Variants in TRNAU1AP observed in about 807,000 individuals in gnomAD.
TRNAU1AP encodes the protein tRNA selenocysteine 1-associated protein 1.
TRNAU1AP carries 33 observed loss-of-function variants against 43.3 expected under a neutral mutation model. The observed-to-expected ratio is 0.76, with a 90% CI of 0.58 to 1.02. The LOEUF (loss-of-function observed/expected upper bound fraction) is 1.02, where lower values mean the gene tolerates loss of function less well. TRNAU1AP is among the 50% of genes least tolerant of loss of function. The pLI is 0.00. For missense variants in TRNAU1AP, 290 were observed against 362.7 expected, an observed-to-expected ratio of 0.80 and a Z score of 1.63; for synonymous variants, 143 against 129.1, an observed-to-expected ratio of 1.11 and a Z score of -0.73.
chr1:28,564,206 A>C (rs1300440103), intron 4 of TRNAU1AP, among the ~76,000 whole-genome samples: 1 of 151,662 alleles, frequency 6.6e-6, no homozygotes, highest in South Asian at 2.1e-4. Flanking sequence ...ACAGAAGTTG[A>C]AGTGACCCCA....
At chr1:28,576,856 G>A (rs961139531) in intron 8 of TRNAU1AP, among the ~76,000 whole-genome samples, 2 of 152,142 alleles carry the variant, frequency 1.3e-5, no homozygotes, top group African/African-American at 4.8e-5. Context: ...GCCTCGACCT[G>A]CTGAAGTGCT....
rs116517726 is a variant in TRNAU1AP at position 28,565,303 on chromosome 1, G to A, written c.410+469G>A. On this transcript the variant is annotated intron_variant, in intron 5 of 8. Coordinates refer to ENST00000373830, the MANE Select transcript of TRNAU1AP (RefSeq NM_017846.5). ...AGTTGGAGACCAGCCCGGGCAACAC[G>A]GTGAAATGCCGTCTCTATTAAAATA... 470 of 159,138 alleles carry A rather than the reference G, an allele frequency of 3.0e-3. 2 individuals carry two copies. Among genetic ancestry groups the A allele is most frequent in the African/African-American group, 0.01 (430 of 41,518 alleles). The allele number at this position is 159,138 out of a possible 1,614,324, so 9.9% of individuals were successfully genotyped here.
At chr1:28,554,198 C>CAAAAAAAAAAAAAAAAAAA (rs537146796) in intron 2 of TRNAU1AP, 1 of 85,692 alleles carries the variant, frequency 1.2e-5, no homozygotes. Flanking sequence ...AACAATGTCT[C>CAAAAAAAAAAAAAAAAAAA]AAAAAAAAAA....
intron 6 of TRNAU1AP, among the ~76,000 whole-genome samples, chr1:28,570,840 C>T (rs1180229008): frequency 6.6e-6 from 1 of 151,932 alleles, no homozygotes; most frequent in African/African-American, 2.4e-5. Flanking sequence ...CTGAGGCAGG[C>T]GGATCACGAG....
In TRNAU1AP at chr1:28,577,533, A is replaced by G; in HGVS notation, c.761A>G (p.Asn254Ser). The change falls in exon 9 of 9, where the codon AAC becomes AGC. Residue 254 changes from asparagine (N) to serine (S), a missense_variant. Physicochemically the swap from Asn to Ser is conservative, Grantham distance 46 (BLOSUM62 1). Transcript: ENST00000373830. ...CCACAGCTGGATGTGACTGAGGCCA[A>G]CAAGGAGTTCATGGAACAGAGTGAG... ...PMPQLDVTEA[N>S]KEFMEQSEEL... 1.9e-6 allele frequency: 3 copies of G among 1,614,114 alleles called. No homozygotes were observed. Among genetic ancestry groups the G allele is most frequent in the Non-Finnish European group, 8.5e-7 (1 of 1,179,998 alleles).
In TRNAU1AP at chr1:28,577,732, A is replaced by T; in HGVS notation, c.*96A>T. ...CCTTTTTGGAAATATGATTTGTAAGATTTTAATAATGACTGTTTTTGGAGA... is the reference window on the plus strand; with the variant it reads ...CCTTTTTGGAAATATGATTTGTAAGTTTTTAATAATGACTGTTTTTGGAGA... On this transcript the variant is annotated 3_prime_UTR_variant, in exon 9 of 9. Transcript: ENST00000373830. The T allele has an allele frequency of 7.7e-7, 1 of 1,305,542 alleles. No individual in the cohort carries two copies. Among genetic ancestry groups the T allele is most frequent in the African/African-American group, 1.5e-5 (1 of 67,226 alleles). The allele number at this position is 1,305,542 out of a possible 1,614,324, so 80.9% of individuals were successfully genotyped here.
intron 7 of TRNAU1AP, 81 bp from the exon 8 acceptor site, chr1:28,571,786 A>G: frequency 9.9e-7 from 1 of 1,008,580 alleles, no homozygotes; most frequent in Non-Finnish European, 1.5e-6. Context: ...CCACCTCAAA[A>G]AAAATAAAAA....
At chr1:28,562,725 T>G (rs555043296) in intron 4 of TRNAU1AP, among the ~76,000 whole-genome samples, 18 of 147,820 alleles carry the variant, frequency 1.2e-4, no homozygotes, top group African/African-American at 4.3e-4. Context: ...GGACTACAGG[T>G]GCCTGCCACC....
At chr1:28,564,877 A>G in intron 5 of TRNAU1AP, 43 bp downstream of exon 5, 3 of 1,612,470 alleles carry the variant, frequency 1.9e-6, no homozygotes, top group Non-Finnish European at 2.5e-6. Flanking sequence ...TGTTAGTTTC[A>G]GCCTTTCTCT....
intron 8 of TRNAU1AP, among the ~76,000 whole-genome samples, chr1:28,575,660 C>T (rs1303306638): frequency 2.7e-5 from 4 of 146,806 alleles, no homozygotes; most frequent in Non-Finnish European, 6.0e-5. Flanking sequence ...GAGACGGAGT[C>T]TTGCTCTGTC....
At chr1:28,575,106 T>G (rs1665744922) in intron 8 of TRNAU1AP, among the ~76,000 whole-genome samples, 1 of 152,176 alleles carries the variant, frequency 6.6e-6, no homozygotes, top group African/African-American at 2.4e-5. Context: ...ATAATTAGCC[T>G]CATAATATCT....
intron 6 of TRNAU1AP, among the ~76,000 whole-genome samples, chr1:28,570,530 G>A (rs1480198424): frequency 6.6e-6 from 1 of 151,506 alleles, no homozygotes; most frequent in Non-Finnish European, 1.5e-5. Flanking sequence ...TTACAGGTGT[G>A]AGCCACCGCA....
chr1:28,561,671 C>T (rs1665407520), intron 4 of TRNAU1AP, among the ~76,000 whole-genome samples: 1 of 152,228 alleles, frequency 6.6e-6, no homozygotes, highest in Non-Finnish European at 1.5e-5. Flanking sequence ...GGTGCAGTGG[C>T]TTACGCCTGT....
chr1:28,577,758 T>C lies in TRNAU1AP; in HGVS notation c.*122T>C. ...TTTTAATAATGACTGTTTTTGGAGA[T>C]CATGAATGTTTCTACAACACTGCTG... On this transcript the variant is annotated 3_prime_UTR_variant, in exon 9 of 9. Transcript: ENST00000373830. 1 of 1,125,554 alleles carries C rather than the reference T, an allele frequency of 8.9e-7. No individual in the cohort carries two copies. The highest frequency in any genetic ancestry group is 1.3e-6 in the Non-Finnish European group (1 of 789,348). The allele number at this position is 1,125,554 out of a possible 1,614,324, so 69.7% of individuals were successfully genotyped here. A position where few individuals can be genotyped will look rare whatever the true frequency, so the allele number is the denominator to read the frequency against.
chr1:28,559,313 A>C (rs1199316443), intron 2 of TRNAU1AP, among the ~76,000 whole-genome samples: 2 of 152,076 alleles, frequency 1.3e-5, no homozygotes, highest in East Asian at 3.9e-4. Flanking sequence ...TAAGGAGGTA[A>C]GACTAGTTGT....
intron 5 of TRNAU1AP, among the ~76,000 whole-genome samples, chr1:28,566,207 C>T (rs4633256): frequency 0.24 from 36,686 of 150,520 alleles, 4,619 homozygotes; most frequent in Middle Eastern, 0.35. Context: ...CACAGCTGCT[C>T]GGGAGGCTGA....
chr1:28,576,264 C>T (rs943178453), intron 8 of TRNAU1AP, among the ~76,000 whole-genome samples: 1 of 151,856 alleles, frequency 6.6e-6, no homozygotes, highest in Non-Finnish European at 1.5e-5. Flanking sequence ...AGTGATCCTC[C>T]TGCCTCAGCC....
At position 28,554,033 on chromosome 1, in the gene TRNAU1AP, A is replaced by G. The variant is rs964252930; in HGVS notation, c.125+296A>G. On this transcript the variant is annotated intron_variant, in intron 2 of 8. Transcript: ENST00000373830. The stretch of plus-strand genomic sequence containing the variant: ...GCCAACATGGTGAAACCCCGTCTCT[A>G]CTAAAAATACAAAAATTAGCCGGGT... The G allele has an allele frequency of 3.6e-5, 8 of 224,300 alleles. No individual in the cohort carries two copies. In the South Asian group the frequency reaches 3.9e-4, roughly 11 times the overall value. The allele number at this position is 224,300 out of a possible 1,614,324, so 13.9% of individuals were successfully genotyped here.
At chr1:28,557,899 A>ATTT (rs58464316) in intron 2 of TRNAU1AP, among the ~76,000 whole-genome samples, 1 of 133,518 alleles carries the variant, frequency 7.5e-6, no homozygotes, top group Non-Finnish European at 1.6e-5. Flanking sequence ...CACCCAGCTA[A>ATTT]TTTTTTTTTT....
Sources: allele counts gnomAD v4.1 joint callset (sites outside exome capture counted in the v4.1 genomes callset), GRCh38; gene constraint gnomAD v4.1.1; transcripts MANE v1.5; gene names NCBI Gene and HGNC (gene_info 2026-07-23, HGNC 2026-07-21).